The following CACNA1A variants were observed in gnomAD, a reference collection of about 807,000 sequenced individuals.
CACNA1A encodes the protein calcium voltage-gated channel subunit alpha1 A.
Under a neutral mutation model 262.4 loss-of-function variants are expected in CACNA1A, and 57 were observed. The ratio of observed to expected loss-of-function variants is 0.22; its 90% CI spans 0.18 to 0.27. The LOEUF (loss-of-function observed/expected upper bound fraction) is 0.27, where lower values mean the gene tolerates loss of function less well. Among genes scored for constraint, CACNA1A ranks in the 10% least tolerant of loss-of-function variants. The probability of loss-of-function intolerance (pLI) is 1.00; values close to 1 mark genes in which losing one functional copy is unlikely to be tolerated. For synonymous variants in CACNA1A, 1,431 were observed against 1,419.3 expected, an observed-to-expected ratio of 1.01 and a Z score of -0.18; for missense variants, 2,526 against 3,562.8, an observed-to-expected ratio of 0.71 and a Z score of 7.41.
At chr19:13,268,917 T>C (rs931868477) in intron 24 of CACNA1A, among the ~76,000 whole-genome samples, 2 of 106,092 alleles carry the variant, frequency 1.9e-5, no homozygotes, top group African/African-American at 7.2e-5. Flanking sequence ...TTTTTTTTTT[T>C]TGATGGATTC....
At chr19:13,332,624 T>C (rs747300500) in intron 9 of CACNA1A, among the ~76,000 whole-genome samples, 9 of 152,208 alleles carry the variant, frequency 5.9e-5, no homozygotes, top group Non-Finnish European at 1.2e-4. Flanking sequence ...ATTGTTTATA[T>C]CATACCCATT....
chr19:13,440,821 TTTTG>T (rs1188500030), intron 3 of CACNA1A, among the ~76,000 whole-genome samples: 3 of 152,252 alleles, frequency 2.0e-5, no homozygotes, highest in African/African-American at 4.8e-5. Flanking sequence ...TTGTGTTTTG[TTTTG>T]TTTGTTTGAG....
At position 13,299,132 on chromosome 19, in the gene CACNA1A, T is replaced by G. The variant is rs201666606; in HGVS notation, c.2501A>C (p.Asn834Thr). ...CTCGGCCGCCCGGCTCTTGTTGGTG[T>G]TGTTGTTGCGGTTCTCCTGCGGGTC... The part of the protein sequence containing the change: ...VVDPQENRNN[N>T]TNKSRAAEPT... The change falls in exon 19 of 47, where the codon AAC (asparagine) becomes ACC (threonine). Residue 834 changes from asparagine to threonine, a missense_variant. This residue lies in a region of CACNA1A where 765 missense variants were observed against 748.6 expected (regional missense o/e 1.02). Coordinates refer to ENST00000360228, the MANE Select transcript of CACNA1A (RefSeq NM_001127222.2). The G allele has an allele frequency of 6.4e-5, 104 of 1,612,944 alleles. No homozygotes were observed. The highest frequency in any genetic ancestry group is 1.2e-4 in the African/African-American group (9 of 75,034).
intron 24 of CACNA1A, among the ~76,000 whole-genome samples, chr19:13,263,832 C>T (rs2056798733): frequency 6.6e-6 from 1 of 152,046 alleles, no homozygotes; most frequent in East Asian, 1.9e-4. Flanking sequence ...CCTGTGTATT[C>T]TTTTTAAAGG....
intron 19 of CACNA1A, among the ~76,000 whole-genome samples, chr19:13,289,234 C>T (rs1352074132): frequency 2.0e-5 from 3 of 151,738 alleles, no homozygotes; most frequent in Non-Finnish European, 4.4e-5. Flanking sequence ...CGCCACCTCC[C>T]AGGCTCAGGC....
chr19:13,363,113 C>T (rs1196944798), intron 5 of CACNA1A: 1 of 152,176 alleles, frequency 6.6e-6, no homozygotes, highest in African/African-American at 2.4e-5. Context: ...TAAATCGAGG[C>T]TTCCTCCCCT....
At position 13,472,288 on chromosome 19, in the gene CACNA1A, G is replaced by A. The variant is rs183895337; in HGVS notation, c.294-17076C>T. ...GCCCAGCTAAAAAATATATAGACAG[G>A]TAGATAGATATGTATATATGTATAC... On this transcript the variant is annotated intron_variant, in intron 1 of 46. Transcript: ENST00000360228. Among the ~76,000 whole-genome samples the A allele has an allele frequency of 4.0e-3, 608 of 151,626 alleles. 1 individual carries two copies. The highest frequency in any genetic ancestry group is 8.7e-3 in the Admixed American group (133 of 15,214).
chr19:13,286,370 G>A lies in CACNA1A; in HGVS notation c.3553+133C>T, dbSNP rs908152323. On this transcript the variant is annotated intron_variant, in intron 20 of 46. Coordinates refer to ENST00000360228, the MANE Select transcript of CACNA1A (RefSeq NM_001127222.2). ...ACAGCCCTGTGGGGTAGGAAACTAC[G>A]CCTATGCCCATTTTCCAGGGGAGGA... 17 of 473,672 alleles carry A rather than the reference G, an allele frequency of 3.6e-5. No homozygotes were observed. The Middle Eastern group carries it at 1.6e-3, about 44-fold the overall frequency. The allele number at this position is 473,672 out of a possible 1,614,324, so 29.3% of individuals were successfully genotyped here.
At chr19:13,417,628 C>T (rs1383877712) in intron 3 of CACNA1A, among the ~76,000 whole-genome samples, 1 of 152,150 alleles carries the variant, frequency 6.6e-6, no homozygotes, top group Non-Finnish European at 1.5e-5. Flanking sequence ...GTGGCTCATG[C>T]CTGTAATCCC....
At chr19:13,482,001 G>A (rs1274031673) in intron 1 of CACNA1A, among the ~76,000 whole-genome samples, 2 of 152,028 alleles carry the variant, frequency 1.3e-5, no homozygotes, top group East Asian at 3.9e-4. Context: ...CCAAGCAGAG[G>A]ACCCCACACT....
intron 31 of CACNA1A, among the ~76,000 whole-genome samples, chr19:13,240,294 CTGTG>C (rs559709432): frequency 2.2e-4 from 33 of 150,910 alleles, no homozygotes; most frequent in South Asian, 4.2e-4. Flanking sequence ...TGTGCAGTGA[CTGTG>C]TGTGTATAGC....
intron 2 of CACNA1A, among the ~76,000 whole-genome samples, chr19:13,454,104 G>A (rs933991022): frequency 6.6e-6 from 1 of 151,748 alleles, no homozygotes; most frequent in Non-Finnish European, 1.5e-5. Context: ...CAGGATGGGG[G>A]TTGGTCACCG....
intron 3 of CACNA1A, among the ~76,000 whole-genome samples, chr19:13,382,067 G>A (rs1264474611): frequency 6.6e-6 from 1 of 152,134 alleles, no homozygotes; most frequent in Non-Finnish European, 1.5e-5. Flanking sequence ...GACCAGGGAG[G>A]TTGTGCTGGA....
At chr19:13,418,334 G>A (rs931971289) in intron 3 of CACNA1A, among the ~76,000 whole-genome samples, 5 of 152,178 alleles carry the variant, frequency 3.3e-5, no homozygotes, top group African/African-American at 1.2e-4. Flanking sequence ...GTGTGTGTAC[G>A]TGGGAGGCAG....
At chr19:13,384,872 T>G (rs2059583227) in intron 3 of CACNA1A, among the ~76,000 whole-genome samples, 1 of 151,946 alleles carries the variant, frequency 6.6e-6, no homozygotes, top group South Asian at 2.1e-4. Context: ...GGCTGATGGT[T>G]GAGGGAGAAC....
chr19:13,283,567 C>T, intron 21 of CACNA1A, 171 bp from the exon 22 acceptor site: 1 of 772,070 alleles, frequency 1.3e-6, no homozygotes, highest in South Asian at 1.9e-5. Flanking sequence ...GGTCCTGGAA[C>T]CCCAAGAAGG....
At chr19:13,488,035 G>C (rs972132799) in intron 1 of CACNA1A, among the ~76,000 whole-genome samples, 5 of 151,942 alleles carry the variant, frequency 3.3e-5, no homozygotes, top group Non-Finnish European at 2.9e-5. Flanking sequence ...CCATTTCAGC[G>C]TCCCAAAGTG....
Position 13,207,708 on chromosome 19 carries a change from G to T in CACNA1A, c.7126C>A (p.Arg2376=), listed in dbSNP as rs1308219087. ...RMERRVPGPA[R]SESPRACRHG... ...CGACAGGCCCTGGGGGACTCGCTCCGGGCCGGGCCTGGGACCCGCCTCTCC... is the reference window on the plus strand; with the variant it reads ...CGACAGGCCCTGGGGGACTCGCTCCTGGCCGGGCCTGGGACCCGCCTCTCC... Residue 2376 remains arginine, a synonymous_variant, in exon 47 of 47, where the codon CGG becomes AGG. Transcript: ENST00000360228. The surrounding 1 kb of genome is among the most constrained non-coding windows in gnomAD (Gnocchi z 5.7). 2 of 1,364,124 alleles carry T rather than the reference G, an allele frequency of 1.5e-6. No homozygotes were observed. Among genetic ancestry groups the T allele is most frequent in the Admixed American group, 3.6e-5 (1 of 28,074 alleles). The allele number at this position is 1,364,124 out of a possible 1,614,324, so 84.5% of individuals were successfully genotyped here.
chr19:13,227,294 A>C, intron 37 of CACNA1A, 137 bp downstream of exon 37: 1 of 460,682 alleles, frequency 2.2e-6, no homozygotes, highest in Non-Finnish European at 4.0e-6. Flanking sequence ...AAAAAAAAGA[A>C]TCAAAAACAA....
Sources: gnomAD v4.1 joint callset for allele counts (sites outside exome capture counted in the v4.1 genomes callset) on GRCh38, gnomAD v4.1.1 for gene constraint, gnomAD v4.1.1 regional missense constraint, Gnocchi (gnomAD v3.1) non-coding constraint, MANE v1.5 for transcripts, NCBI Gene and HGNC (gene_info 2026-07-23, HGNC 2026-07-21) for gene names.